Variants in ATF6B observed in about 807,000 individuals in gnomAD.
ATF6B encodes the protein activating transcription factor 6 beta.
Under a neutral mutation model 83.5 loss-of-function variants are expected in ATF6B, and 50 were observed. That is an observed-to-expected ratio of 0.60 (90% CI 0.48 to 0.76). The LOEUF (loss-of-function observed/expected upper bound fraction) is 0.76. Among genes scored for constraint, ATF6B ranks in the 30% least tolerant of loss-of-function variants. The pLI, the probability that ATF6B is intolerant of heterozygous loss-of-function variation, is 0.00. For synonymous variants in ATF6B, 344 were observed against 362.8 expected, an observed-to-expected ratio of 0.95 and a Z score of 0.59; for missense variants, 790 against 893.8, an observed-to-expected ratio of 0.88 and a Z score of 1.48.
chr6:32,116,459 A>AC lies in ATF6B; in HGVS notation c.1882+20dup. ...ATCTCCCTGTTGGAACTGCCCCCAT[A>AC]CCCAGCAGGGAAAGAGTTACCATTG... On this transcript the variant is annotated intron_variant, in intron 17 of 17. Coordinates refer to ENST00000375203, the MANE Select transcript of ATF6B (RefSeq NM_004381.5). This position sits in a 1 kb window ranked among gnomAD's most constrained non-coding sequence, Gnocchi z 5.1. 1.9e-6 allele frequency: 3 copies of AC among 1,604,454 alleles called. No homozygotes were observed. The highest frequency in any genetic ancestry group is 1.7e-6 in the Non-Finnish European group (2 of 1,173,678).
intron 5 of ATF6B, 65 bp downstream of exon 5, chr6:32,126,052 C>T (rs1426044271): frequency 2.0e-6 from 3 of 1,501,044 alleles, no homozygotes; most frequent in African/African-American, 1.4e-5. Context: ...TACACACATA[C>T]ACACACACAC....
chr6:32,127,510 C>T lies in ATF6B; in HGVS notation c.182G>A (p.Ser61Asn). Residue 61 changes from serine to asparagine, a missense_variant, in exon 3 of 18, where the codon AGC becomes AAC. Coordinates refer to ENST00000375203, the MANE Select transcript of ATF6B (RefSeq NM_004381.5). Reference protein sequence around the residue: ...CPEQDVPFDGSSLDVGMDVSP... With the variant: ...CPEQDVPFDGNSLDVGMDVSP... The stretch of plus-strand genomic sequence containing the variant: ...GACATCCATCCCCACGTCCAGGGAG[C>T]TGCCGTCAAACTAAATAAGGGAGGA... 3.1e-6 allele frequency: 5 copies of T among 1,613,318 alleles called. No individual in the cohort carries two copies. Among genetic ancestry groups the T allele is most frequent in the Non-Finnish European group, 4.2e-6 (5 of 1,179,522 alleles).
In ATF6B at chr6:32,115,607, G is replaced by C; in HGVS notation, c.*132C>G. On this transcript the variant is annotated 3_prime_UTR_variant, in exon 18 of 18. Coordinates refer to ENST00000375203, the MANE Select transcript of ATF6B (RefSeq NM_004381.5). Reference sequence around the variant, plus strand: ...AGGTGAACACCCCCACCTCAAATAAGTGCTTAACCCCCACACCTGCTCTTT... The same window carrying C: ...AGGTGAACACCCCCACCTCAAATAACTGCTTAACCCCCACACCTGCTCTTT... 1 of 749,922 alleles carries C rather than the reference G, an allele frequency of 1.3e-6. No individual in the cohort carries two copies. Among genetic ancestry groups the C allele is most frequent in the Non-Finnish European group, 2.1e-6 (1 of 466,730 alleles). The allele number at this position is 749,922 out of a possible 1,614,324, so 46.5% of individuals were successfully genotyped here. A position where few individuals can be genotyped will look rare whatever the true frequency, so the allele number is the denominator to read the frequency against.
intron 1 of ATF6B, 96 bp downstream of exon 1, chr6:32,128,021 C>A: frequency 6.9e-7 from 1 of 1,445,990 alleles, no homozygotes; most frequent in Admixed American, 1.8e-5. Flanking sequence ...ATGGCGGATT[C>A]CGTATTTGCC....
At chr6:32,127,609 G>A in intron 2 of ATF6B, 62 bp downstream of exon 2, 1 of 1,611,720 alleles carries the variant, frequency 6.2e-7, no homozygotes, top group East Asian at 2.2e-5. Context: ...CTGTGAATGG[G>A]TCCAGGTTCT....
In ATF6B at chr6:32,119,737, C is replaced by T. The variant is rs1411282741; in HGVS notation, c.966+87G>A. The T allele has an allele frequency of 6.5e-7, 1 of 1,547,566 alleles. No homozygotes were observed. The highest frequency in any genetic ancestry group is 1.2e-5 in the South Asian group (1 of 81,452). On this transcript the variant is annotated intron_variant, in intron 9 of 17. Coordinates refer to ENST00000375203, the MANE Select transcript of ATF6B (RefSeq NM_004381.5). The surrounding 1 kb of genome is among the most constrained non-coding windows in gnomAD (Gnocchi z 4.9). The stretch of plus-strand genomic sequence containing the variant: ...ACTTTTTTCTCCTAGGTATCGACTC[C>T]CTCCTCATCCCACAGTTCTCTCTAT...
intron 5 of ATF6B, among the ~76,000 whole-genome samples, chr6:32,122,849 A>G (rs1781818425): frequency 6.6e-6 from 1 of 151,010 alleles, no homozygotes; most frequent in African/African-American, 2.4e-5. Flanking sequence ...CTGTCTCAAA[A>G]AAAAAAAAAA....
Position 32,118,678 on chromosome 6 carries a change from A to G in ATF6B, c.1244+97T>C. The G allele has an allele frequency of 8.1e-7, 1 of 1,228,164 alleles. No homozygotes were observed. Among genetic ancestry groups the G allele is most frequent in the Non-Finnish European group, 1.2e-6 (1 of 844,940 alleles). 76.1% of individuals were successfully genotyped at this position (1,228,164 alleles called of 1,614,324 possible). Reference sequence around the variant, plus strand: ...CCAAGGACACCAGAACCATTTGTATATAAGCAGAAGGAAATGGCCTGGGCC... The same window carrying G: ...CCAAGGACACCAGAACCATTTGTATGTAAGCAGAAGGAAATGGCCTGGGCC... On this transcript the variant is annotated intron_variant, in intron 11 of 17. Coordinates refer to ENST00000375203, the MANE Select transcript of ATF6B (RefSeq NM_004381.5). The surrounding 1 kb of genome is among the most constrained non-coding windows in gnomAD (Gnocchi z 5.2).
rs758594304 is a variant in ATF6B at position 32,117,123 on chromosome 6, T to A, written c.1615-16A>T. 1 of 1,612,672 alleles carries A rather than the reference T, an allele frequency of 6.2e-7. No homozygotes were observed. Among genetic ancestry groups the A allele is most frequent in the Non-Finnish European group, 8.5e-7 (1 of 1,178,834 alleles). ...GCTGAGACTTCTGGAAGGAGAAGTATCTAAGGACTTGGAGAGGGTGAAGGG... is the reference window on the plus strand; with the variant it reads ...GCTGAGACTTCTGGAAGGAGAAGTAACTAAGGACTTGGAGAGGGTGAAGGG... On this transcript the variant is annotated splice_polypyrimidine_tract_variant and intron_variant, in intron 14 of 17. Coordinates refer to ENST00000375203, the MANE Select transcript of ATF6B (RefSeq NM_004381.5). The surrounding 1 kb of genome is among the most constrained non-coding windows in gnomAD (Gnocchi z 5.0).
chr6:32,127,780 G>T (rs1181937364), intron 1 of ATF6B, 30 bp from the exon 2 acceptor site: 4 of 1,608,968 alleles, frequency 2.5e-6, no homozygotes, highest in Admixed American at 1.7e-5. Flanking sequence ...TCGGGGGGTC[G>T]TTCGGTGGCC....
chr6:32,118,696 C>T lies in ATF6B; in HGVS notation c.1244+79G>A. The T allele has an allele frequency of 1.2e-5, 18 of 1,442,018 alleles. No homozygotes were observed. Among genetic ancestry groups the T allele is most frequent in the Non-Finnish European group, 1.7e-5 (18 of 1,030,280 alleles). 89.3% of individuals were successfully genotyped at this position (1,442,018 alleles called of 1,614,324 possible). On this transcript the variant is annotated intron_variant, in intron 11 of 17. Coordinates refer to ENST00000375203, the MANE Select transcript of ATF6B (RefSeq NM_004381.5). This position sits in a 1 kb window ranked among gnomAD's most constrained non-coding sequence, Gnocchi z 5.2. ...TTTGTATATAAGCAGAAGGAAATGG[C>T]CTGGGCCAAAGCAGGCAGCTAGGAG...
Position 32,121,020 on chromosome 6 carries a change from G to A in ATF6B, c.669C>T (p.Ile223=). ...AGCCATCAAGGGATGGGCCCATGCT[G>A]ATCTGGACAGCTCCAAGTGAGGGGG... ...VPAPSLGAVQ[I]SMGPSLDGSS... The change falls in exon 7 of 18, where the codon ATC becomes ATT. Residue 223 remains isoleucine, a synonymous_variant. Coordinates refer to ENST00000375203, the MANE Select transcript of ATF6B (RefSeq NM_004381.5). 1 of 1,540,742 alleles carries A rather than the reference G, an allele frequency of 6.5e-7. No homozygotes were observed.
At position 32,127,103 on chromosome 6, in the gene ATF6B, C is replaced by G; in HGVS notation, c.342G>C (p.Glu114Asp). The G allele has an allele frequency of 6.3e-7, 1 of 1,591,788 alleles. No individual in the cohort carries two copies. The highest frequency in any genetic ancestry group is 8.6e-7 in the Non-Finnish European group (1 of 1,168,984). The change falls in exon 4 of 18, where the codon GAG becomes GAC. Residue 114 changes from glutamate to aspartate, a missense_variant and splice_region_variant. Glu to Asp is a conservative substitution (Grantham distance 45). Transcript: ENST00000375203. The part of the protein sequence containing the change: ...SSRLSTEPSS[E>D]ALGVGEVLHV... ...AGTAAGAGGGATATGGCTCTCTCACCTCGCTGGATGGCTCTGTGGAGAGAC... is the reference window on the plus strand; with the variant it reads ...AGTAAGAGGGATATGGCTCTCTCACGTCGCTGGATGGCTCTGTGGAGAGAC...
chr6:32,122,111 C>T (rs1349502626), intron 5 of ATF6B, among the ~76,000 whole-genome samples: 1 of 152,194 alleles, frequency 6.6e-6, no homozygotes, highest in Non-Finnish European at 1.5e-5. Flanking sequence ...TGCATCTCCC[C>T]CTGGCTGCTC....
chr6:32,126,377 A>G (rs1781981731), intron 4 of ATF6B, 125 bp from the exon 5 acceptor site: 4 of 1,218,518 alleles, frequency 3.3e-6, no homozygotes, highest in East Asian at 5.1e-5. Flanking sequence ...ATTATTTGAC[A>G]TTCTGGTCTG....
At chr6:32,122,937 T>C (rs1781822474) in intron 5 of ATF6B, among the ~76,000 whole-genome samples, 1 of 150,782 alleles carries the variant, frequency 6.6e-6, no homozygotes, top group Non-Finnish European at 1.5e-5. Context: ...TATTTAACCA[T>C]GGCTGGGCAT....
At position 32,117,511 on chromosome 6, in the gene ATF6B, C is replaced by G; in HGVS notation, c.1532+76G>C. 1 of 1,592,782 alleles carries G rather than the reference C, an allele frequency of 6.3e-7. No individual in the cohort carries two copies. The highest frequency in any genetic ancestry group is 8.6e-7 in the Non-Finnish European group (1 of 1,165,376). ...GGCAGGGAGCACTGGCGCTTTAGTA[C>G]ACAGGCCAGCCAGGCTGACTGCAGA... On this transcript the variant is annotated intron_variant, in intron 13 of 17. Coordinates refer to ENST00000375203, the MANE Select transcript of ATF6B (RefSeq NM_004381.5). The surrounding 1 kb of genome is among the most constrained non-coding windows in gnomAD (Gnocchi z 5.0).
At position 32,118,906 on chromosome 6, in the gene ATF6B, T is replaced by C; in HGVS notation, c.1153-40A>G. ...AGGAGACAAGAAAAAGGGGAATCATTCCAAGGAGGCTGTATTCCTGTTGGT... is the reference window on the plus strand; with the variant it reads ...AGGAGACAAGAAAAAGGGGAATCATCCCAAGGAGGCTGTATTCCTGTTGGT... On this transcript the variant is annotated intron_variant, in intron 10 of 17. Transcript: ENST00000375203. The surrounding 1 kb of genome is among the most constrained non-coding windows in gnomAD (Gnocchi z 5.2). 1.2e-6 allele frequency: 2 copies of C among 1,614,066 alleles called. No individual in the cohort carries two copies. Among genetic ancestry groups the C allele is most frequent in the Non-Finnish European group, 1.7e-6 (2 of 1,179,998 alleles).
At chr6:32,123,053 C>G (rs549379359) in intron 5 of ATF6B, among the ~76,000 whole-genome samples, 1 of 151,548 alleles carries the variant, frequency 6.6e-6, no homozygotes, top group Non-Finnish European at 1.5e-5. Context: ...ATGGCAAAAC[C>G]CTGTCTCTAC....
Sources: gnomAD v4.1 joint callset for allele counts (sites outside exome capture counted in the v4.1 genomes callset) on GRCh38, gnomAD v4.1.1 for gene constraint, Gnocchi (gnomAD v3.1) non-coding constraint, MANE v1.5 for transcripts, NCBI Gene and HGNC (gene_info 2026-07-23, HGNC 2026-07-21) for gene names.